The following EPHB1 variants were observed in gnomAD, a reference collection of about 807,000 sequenced individuals.
EPHB1 encodes EPH receptor B1.
EPHB1 carries 30 observed loss-of-function variants against 94.4 expected under a neutral mutation model. The ratio of observed to expected loss-of-function variants is 0.32; its 90% CI spans 0.24 to 0.43. EPHB1 has a LOEUF of 0.43. EPHB1 is among the 20% of genes least tolerant of loss of function. EPHB1 has a pLI of 1.00. For missense variants in EPHB1, 1,055 were observed against 1,308.3 expected (o/e 0.81, Z 2.99); for synonymous variants, 522 against 489.1 (o/e 1.07, Z -0.89).
At chr3:135,110,329 T>A (rs908060788) in intron 4 of EPHB1, among the ~76,000 whole-genome samples, 8 of 151,960 alleles carry the variant, frequency 5.3e-5, no homozygotes, top group Admixed American at 3.9e-4. Context: ...GAAAAAGGGG[T>A]CATTGTGTCC....
In EPHB1 at chr3:135,002,601, G is replaced by C. The variant is rs1487894410; in HGVS notation, c.805+50549G>C. On this transcript the variant is annotated intron_variant, in intron 3 of 15. Transcript: ENST00000398015. ...TCCATCTGGTCCTGGACTCTTTTTG[G>C]TTGGTAAGCTATTGATTATTGCCAC... Among the ~76,000 whole-genome samples the C allele has an allele frequency of 3.4e-3, 499 of 147,924 alleles. 1 individual carries two copies. The highest frequency in any genetic ancestry group is 6.9e-3 in the African/African-American group (286 of 41,210).
At chr3:134,869,635 G>A (rs2037457281) in intron 1 of EPHB1, among the ~76,000 whole-genome samples, 1 of 152,148 alleles carries the variant, frequency 6.6e-6, no homozygotes, top group Non-Finnish European at 1.5e-5. Context: ...TTTTAATAGA[G>A]CAAGAACTTT....
chr3:134,817,484 T>C (rs1158752523), intron 1 of EPHB1, among the ~76,000 whole-genome samples: 1 of 152,204 alleles, frequency 6.6e-6, no homozygotes, highest in East Asian at 1.9e-4. Flanking sequence ...CATGGAGCTC[T>C]GTAGTTTCTG....
At chr3:135,191,382 C>T (rs1022884117) in intron 10 of EPHB1, among the ~76,000 whole-genome samples, 1 of 152,150 alleles carries the variant, frequency 6.6e-6, no homozygotes, top group Non-Finnish European at 1.5e-5. Context: ...AAAGGAACTC[C>T]CAAATGAATC....
At chr3:134,896,630 C>G in intron 1 of EPHB1, among the ~76,000 whole-genome samples, 1 of 152,234 alleles carries the variant, frequency 6.6e-6, no homozygotes, top group East Asian at 1.9e-4. Flanking sequence ...ATGCTGGTCT[C>G]CACTGTAAAT....
intron 3 of EPHB1, among the ~76,000 whole-genome samples, chr3:135,000,509 T>C (rs1436389534): frequency 6.6e-6 from 1 of 152,216 alleles, no homozygotes; most frequent in East Asian, 1.9e-4. Flanking sequence ...GACCTGCAAA[T>C]TGGCTTTTCT....
At chr3:135,223,626 A>T (rs1202403477) in intron 12 of EPHB1, among the ~76,000 whole-genome samples, 2 of 152,126 alleles carry the variant, frequency 1.3e-5, no homozygotes, top group African/African-American at 2.4e-5. Context: ...TTTATTTATT[A>T]TCCGTATTTG....
chr3:135,238,636 T>C (rs1710974624), intron 12 of EPHB1, among the ~76,000 whole-genome samples: 1 of 145,822 alleles, frequency 6.9e-6, no homozygotes, highest in African/African-American at 2.6e-5. Context: ...GCCCTAACTC[T>C]CTTTTACTCA....
At position 135,191,545 on chromosome 3, in the gene EPHB1, C is replaced by T. The variant is rs116890255; in HGVS notation, c.1883-1031C>T. ...CTTCTGCTGCACTTACAAGTAGACA[C>T]TGAACTGCTTCACATGAAAGAATTG... On this transcript the variant is annotated intron_variant, in intron 10 of 15. Transcript: ENST00000398015. Among the ~76,000 whole-genome samples, 48 of 152,232 alleles carry T rather than the reference C, an allele frequency of 3.2e-4. No homozygotes were observed. The East Asian group carries it at 8.5e-3, about 27-fold the overall frequency.
intron 1 of EPHB1, among the ~76,000 whole-genome samples, chr3:134,884,688 T>C (rs1369231132): frequency 6.6e-6 from 1 of 152,242 alleles, no homozygotes; most frequent in Admixed American, 6.5e-5. Flanking sequence ...ACATTTCCTT[T>C]GGTTATTCTG....
At chr3:135,241,408 C>A in intron 13 of EPHB1, 111 bp downstream of exon 13, 3 of 1,358,678 alleles carry the variant, frequency 2.2e-6, no homozygotes, top group Admixed American at 3.5e-5. Context: ...TCTGAACCTG[C>A]AGTGTTCAGG....
intron 3 of EPHB1, among the ~76,000 whole-genome samples, chr3:135,042,609 G>A (rs1936887798): frequency 6.6e-6 from 1 of 152,174 alleles, no homozygotes; most frequent in Admixed American, 6.5e-5. Context: ...GGTGGTCTGG[G>A]TCTTGCTTAT....
chr3:135,243,492 GC>G (rs1196370296), intron 13 of EPHB1, among the ~76,000 whole-genome samples: 3 of 152,140 alleles, frequency 2.0e-5, no homozygotes, highest in Non-Finnish European at 4.4e-5. Context: ...TTCTAATTTT[GC>G]GTGCTCCTTC....
At chr3:135,131,583 C>G (rs935633016) in intron 4 of EPHB1, among the ~76,000 whole-genome samples, 1 of 152,182 alleles carries the variant, frequency 6.6e-6, no homozygotes, top group Non-Finnish European at 1.5e-5. Context: ...GGCTTGGGAA[C>G]CTGAGGCTAT....
intron 12 of EPHB1, among the ~76,000 whole-genome samples, chr3:135,237,343 A>G (rs1943681024): frequency 6.6e-6 from 1 of 152,068 alleles, no homozygotes; most frequent in Admixed American, 6.6e-5. Flanking sequence ...TTTATCGTAT[A>G]TCTGAGTTAA....
chr3:135,091,896 C>T (rs948483885), intron 3 of EPHB1, among the ~76,000 whole-genome samples: 4 of 152,150 alleles, frequency 2.6e-5, no homozygotes, highest in Non-Finnish European at 5.9e-5. Context: ...AAGTGAGAAA[C>T]TCTGGGTGGC....
chr3:134,894,041 A>T (rs185535436), intron 1 of EPHB1, among the ~76,000 whole-genome samples: 71 of 152,242 alleles, frequency 4.7e-4, no homozygotes, highest in Non-Finnish European at 1.3e-4. Context: ...CTTTTATTCC[A>T]ATGTGCATGG....
chr3:135,178,151 T>C (rs1216365162), intron 9 of EPHB1, among the ~76,000 whole-genome samples: 1 of 149,798 alleles, frequency 6.7e-6, no homozygotes, highest in Non-Finnish European at 1.5e-5. Flanking sequence ...GCCCTCCTTA[T>C]CTTAAAAAAT....
At chr3:135,039,465 C>T (rs531018247) in intron 3 of EPHB1, among the ~76,000 whole-genome samples, 13 of 152,332 alleles carry the variant, frequency 8.5e-5, no homozygotes, top group East Asian at 1.9e-4. Context: ...GACTGGGCGC[C>T]GTGGAGTAGG....
Sources: allele counts gnomAD v4.1 joint callset (sites outside exome capture counted in the v4.1 genomes callset), GRCh38; gene constraint gnomAD v4.1.1; transcripts MANE v1.5; gene names NCBI Gene and HGNC (gene_info 2026-07-23, HGNC 2026-07-21).